SLC24A3: variants seen among roughly 807,000 people sequenced by gnomAD.
SLC24A3 encodes the protein sodium/potassium/calcium exchanger 3.
A neutral mutation model predicts 75.8 loss-of-function variants in SLC24A3; 28 were observed. The observed-to-expected ratio is 0.37, with a 90% confidence interval of 0.27 to 0.51. SLC24A3 has a LOEUF of 0.51. Ranked by LOEUF, SLC24A3 falls within the 20% of genes least tolerant of loss-of-function variation. SLC24A3 has a pLI of 0.94. For missense variants in SLC24A3, 663 were observed against 847.8 expected (o/e 0.78, Z 2.71); for synonymous variants, 372 against 334.1 (o/e 1.11, Z -1.24).
intron 2 of SLC24A3, among the ~76,000 whole-genome samples, chr20:19,512,044 A>G (rs113171947): frequency 2.6e-5 from 4 of 152,128 alleles, no homozygotes; most frequent in Admixed American, 6.5e-5. Context: ...CGCTCCATTC[A>G]CAAGCTGTGC....
At chr20:19,349,171 C>A (rs1048233000) in intron 2 of SLC24A3, among the ~76,000 whole-genome samples, 1 of 152,242 alleles carries the variant, frequency 6.6e-6, no homozygotes, top group East Asian at 1.9e-4. Context: ...AAGTTCTTTC[C>A]TAAACTTCCA....
At chr20:19,636,202 G>A (rs1237682214) in intron 6 of SLC24A3, among the ~76,000 whole-genome samples, 1 of 152,190 alleles carries the variant, frequency 6.6e-6, no homozygotes, top group East Asian at 1.9e-4. Context: ...CACCTCAAGA[G>A]TGATGTAACA....
At chr20:19,599,451 C>A (rs1209896341) in intron 6 of SLC24A3, among the ~76,000 whole-genome samples, 1 of 151,632 alleles carries the variant, frequency 6.6e-6, no homozygotes, top group Non-Finnish European at 1.5e-5. Context: ...ATGTGTGATG[C>A]GGTCCCTCCC....
intron 11 of SLC24A3, among the ~76,000 whole-genome samples, chr20:19,684,836 G>A (rs761406337): frequency 4.6e-5 from 7 of 152,306 alleles, no homozygotes; most frequent in African/African-American, 1.7e-4. Flanking sequence ...AGTGCACAGA[G>A]TGTCAAGGAA....
chr20:19,630,991 A>G (rs151223933), intron 6 of SLC24A3, among the ~76,000 whole-genome samples: 1 of 152,366 alleles, frequency 6.6e-6, no homozygotes, highest in African/African-American at 2.4e-5. Flanking sequence ...TATGCAGGAC[A>G]TAATCACCAT....
At chr20:19,620,168 C>T (rs2031785096) in intron 6 of SLC24A3, among the ~76,000 whole-genome samples, 3 of 152,172 alleles carry the variant, frequency 2.0e-5, no homozygotes, top group Non-Finnish European at 2.9e-5. Context: ...TATCATCCTG[C>T]AAATCCACCC....
rs374943023 is a variant in SLC24A3 at position 19,667,247 on chromosome 20, A to T, written c.713+1358A>T. ...TCTCCTCTTTGCAAGAAGAAAGAGG[A>T]GGAGACAGCTAGGAGAAAATGAGAA... On this transcript the variant is annotated intron_variant, in intron 8 of 16. Coordinates refer to ENST00000328041, the MANE Select transcript of SLC24A3 (RefSeq NM_020689.4). Among the ~76,000 whole-genome samples, 4 of 152,352 alleles carry T rather than the reference A, an allele frequency of 2.6e-5. No homozygotes were observed. In the East Asian group the frequency reaches 5.8e-4, roughly 22 times the overall value.
intron 3 of SLC24A3, among the ~76,000 whole-genome samples, chr20:19,556,591 A>G (rs1032947700): frequency 3.9e-5 from 6 of 152,080 alleles, no homozygotes; most frequent in Middle Eastern, 3.4e-3. Flanking sequence ...AAAAAAAAAA[A>G]AAAGAAAAGG....
intron 1 of SLC24A3, among the ~76,000 whole-genome samples, chr20:19,222,955 GA>G (rs768114232): frequency 4.3e-4 from 65 of 151,636 alleles, no homozygotes; most frequent in Non-Finnish European, 7.8e-4. Flanking sequence ...TTTTTTAATT[GA>G]AAAATTTTTT....
At chr20:19,508,214 G>A (rs1298148136) in intron 2 of SLC24A3, among the ~76,000 whole-genome samples, 1 of 152,182 alleles carries the variant, frequency 6.6e-6, no homozygotes, top group Non-Finnish European at 1.5e-5. Flanking sequence ...TGAAACAGAA[G>A]CTTGAAGCCA....
At chr20:19,376,252 C>T (rs879663807) in intron 2 of SLC24A3, among the ~76,000 whole-genome samples, 1 of 152,174 alleles carries the variant, frequency 6.6e-6, no homozygotes, top group Non-Finnish European at 1.5e-5. Flanking sequence ...ATTAATGAAA[C>T]TGCCAACTTG....
intron 2 of SLC24A3, among the ~76,000 whole-genome samples, chr20:19,370,497 A>G (rs1396653373): frequency 1.3e-5 from 2 of 152,252 alleles, no homozygotes; most frequent in Admixed American, 6.5e-5. Flanking sequence ...AATGCATGAA[A>G]GTGGCAAGCC....
At chr20:19,619,039 C>T (rs1306122210) in intron 6 of SLC24A3, among the ~76,000 whole-genome samples, 1 of 152,208 alleles carries the variant, frequency 6.6e-6, no homozygotes, top group Non-Finnish European at 1.5e-5. Flanking sequence ...CCCCACATCC[C>T]ACCCTGCCTG....
chr20:19,264,728 C>CAAAAAA (rs371253803), intron 1 of SLC24A3, among the ~76,000 whole-genome samples: 4 of 97,996 alleles, frequency 4.1e-5, no homozygotes, highest in Admixed American at 1.2e-4. Context: ...GACTCCATCT[C>CAAAAAA]AAAAAAAAAA....
intron 8 of SLC24A3, among the ~76,000 whole-genome samples, chr20:19,673,218 G>A (rs760839764): frequency 2.6e-5 from 4 of 152,056 alleles, no homozygotes; most frequent in South Asian, 2.1e-4. Flanking sequence ...AGGCATCCCC[G>A]GCAATTCCTC....
intron 2 of SLC24A3, among the ~76,000 whole-genome samples, chr20:19,448,706 A>G (rs2122478486): frequency 6.6e-6 from 1 of 152,300 alleles, no homozygotes; most frequent in African/African-American, 2.4e-5. Context: ...ATTCAGCAGT[A>G]TATTATTCTG....
chr20:19,698,533 C>T (rs1304070745), intron 14 of SLC24A3, 35 bp from the exon 15 acceptor site: 2 of 1,533,994 alleles, frequency 1.3e-6, no homozygotes, highest in Non-Finnish European at 1.8e-6. Flanking sequence ...CCCTGGGTTC[C>T]CTTCCCTCTC....
At chr20:19,720,338 C>T (rs1357543638) in intron 16 of SLC24A3, among the ~76,000 whole-genome samples, 1 of 152,168 alleles carries the variant, frequency 6.6e-6, no homozygotes, top group African/African-American at 2.4e-5. Flanking sequence ...GCATTGAAAT[C>T]ACAGAGAAAG....
chr20:19,465,233 G>A lies in SLC24A3; in HGVS notation c.272-50255G>A, dbSNP rs375890589. Among the ~76,000 whole-genome samples the A allele has an allele frequency of 6.3e-4, 96 of 152,264 alleles. 1 individual carries two copies. In the South Asian group the frequency reaches 0.014, roughly 23 times the overall value. On this transcript the variant is annotated intron_variant, in intron 2 of 16. Transcript: ENST00000328041. ...TCATTTACATTGGAGATGCCATCAG[G>A]GCAGCAAGTTGGGAGGGTGGAGAAC...
Sources: gnomAD v4.1 joint callset for allele counts (sites outside exome capture counted in the v4.1 genomes callset) on GRCh38, gnomAD v4.1.1 for gene constraint, MANE v1.5 for transcripts, NCBI Gene and HGNC (gene_info 2026-07-23, HGNC 2026-07-21) for gene names.